Variants in MAGI1 observed in about 807,000 individuals in gnomAD.
MAGI1 encodes the protein membrane associated guanylate kinase, WW and PDZ domain containing 1, also known as membrane-associated guanylate kinase, WW and PDZ domain-containing protein 1.
Under a neutral mutation model 139.9 loss-of-function variants are expected in MAGI1, and 58 were observed. That is an observed-to-expected ratio of 0.41 (90% CI 0.34 to 0.52). The LOEUF (loss-of-function observed/expected upper bound fraction) is 0.52, where lower values mean the gene tolerates loss of function less well. Ranked by LOEUF, MAGI1 falls within the 20% of genes least tolerant of loss-of-function variation. The pLI, the probability that MAGI1 is intolerant of heterozygous loss-of-function variation, is 0.12. For missense variants in MAGI1, 1,874 were observed against 1,901.6 expected, an observed-to-expected ratio of 0.99 and a Z score of 0.27; for synonymous variants, 812 against 737.9, an observed-to-expected ratio of 1.10 and a Z score of -1.63.
intron 1 of MAGI1, among the ~76,000 whole-genome samples, chr3:66,005,485 G>C (rs2066966154): frequency 6.6e-6 from 1 of 152,138 alleles, no homozygotes; most frequent in Non-Finnish European, 1.5e-5. Context: ...ATAAGTAACA[G>C]CCTCATCCTC....
chr3:65,709,179 A>G (rs1477424324), intron 1 of MAGI1, among the ~76,000 whole-genome samples: 1 of 152,232 alleles, frequency 6.6e-6, no homozygotes, highest in East Asian at 1.9e-4. Context: ...CAGCATTCAC[A>G]TCATTCTCGC....
intron 2 of MAGI1, among the ~76,000 whole-genome samples, chr3:65,560,682 A>G (rs114688341): frequency 0.012 from 1,772 of 152,316 alleles, 18 homozygotes; most frequent in Non-Finnish European, 0.019. Context: ...TGCAAAGGAC[A>G]AAGAAAAGCC....
chr3:65,426,906 T>C (rs1947082720), intron 12 of MAGI1, among the ~76,000 whole-genome samples: 1 of 152,206 alleles, frequency 6.6e-6, no homozygotes, highest in African/African-American at 2.4e-5. Flanking sequence ...CATGTAGATG[T>C]TGATGAATAT....
At chr3:65,402,630 C>T (rs78268065) in intron 12 of MAGI1, among the ~76,000 whole-genome samples, 40 of 152,100 alleles carry the variant, frequency 2.6e-4, no homozygotes, top group African/African-American at 9.6e-4. Flanking sequence ...AAAGTGATTC[C>T]TAGGGAGTGT....
chr3:65,609,751 A>G (rs2082946673), intron 2 of MAGI1: 1 of 329,310 alleles, frequency 3.0e-6, no homozygotes, highest in Non-Finnish European at 6.2e-6. Flanking sequence ...TACCTGGGTA[A>G]TTTTTTGTAG....
intron 1 of MAGI1, among the ~76,000 whole-genome samples, chr3:65,721,171 T>G (rs894248788): frequency 1.3e-5 from 2 of 152,146 alleles, no homozygotes; most frequent in Non-Finnish European, 2.9e-5. Flanking sequence ...CTAATATGTT[T>G]GCCACCACTC....
intron 1 of MAGI1, among the ~76,000 whole-genome samples, chr3:65,802,168 T>C (rs922318488): frequency 6.6e-6 from 1 of 152,116 alleles, no homozygotes; most frequent in Non-Finnish European, 1.5e-5. Flanking sequence ...ACATCTTCAT[T>C]CAGTTAAAAT....
At chr3:65,591,659 T>C (rs1192492144) in intron 2 of MAGI1, among the ~76,000 whole-genome samples, 5 of 152,186 alleles carry the variant, frequency 3.3e-5, no homozygotes, top group Non-Finnish European at 7.3e-5. Flanking sequence ...CTAAAATGTC[T>C]AGCATAATCT....
intron 1 of MAGI1, among the ~76,000 whole-genome samples, chr3:65,827,225 C>T (rs2042277273): frequency 6.6e-6 from 1 of 152,054 alleles, no homozygotes. Context: ...CTCCCTGATA[C>T]AGGAACAAAA....
chr3:65,821,735 T>C (rs2108255889), intron 1 of MAGI1, among the ~76,000 whole-genome samples: 1 of 152,282 alleles, frequency 6.6e-6, no homozygotes, highest in East Asian at 1.9e-4. Context: ...GTCATCAATT[T>C]ACCTGGGCAA....
intron 1 of MAGI1, among the ~76,000 whole-genome samples, chr3:65,942,076 C>A (rs1417337659): frequency 6.6e-6 from 1 of 152,212 alleles, no homozygotes; most frequent in Non-Finnish European, 1.5e-5. Flanking sequence ...CGTGAGCCAC[C>A]ATACCCAGCC....
At chr3:65,639,061 T>A (rs561377714) in intron 1 of MAGI1, among the ~76,000 whole-genome samples, 1 of 152,314 alleles carries the variant, frequency 6.6e-6, no homozygotes, top group Non-Finnish European at 1.5e-5. Flanking sequence ...TTATTTTCAT[T>A]TGCATTGCCC....
intron 1 of MAGI1, among the ~76,000 whole-genome samples, chr3:65,949,513 T>A (rs1366301270): frequency 6.6e-6 from 1 of 152,264 alleles, no homozygotes; most frequent in Non-Finnish European, 1.5e-5. Flanking sequence ...ATGTACTTTT[T>A]ATTGTTGGTC....
chr3:65,475,623 A>C (rs945571044), intron 4 of MAGI1, among the ~76,000 whole-genome samples: 3 of 152,134 alleles, frequency 2.0e-5, no homozygotes, highest in African/African-American at 7.2e-5. Context: ...CCCACATAGG[A>C]AGTGTTCTTT....
intron 3 of MAGI1, among the ~76,000 whole-genome samples, chr3:65,490,573 C>T (rs910742024): frequency 5.9e-5 from 9 of 152,014 alleles, no homozygotes; most frequent in Non-Finnish European, 8.8e-5. Flanking sequence ...CGGCCAGGCT[C>T]GGTGGCTCAC....
At chr3:65,974,365 G>A (rs1442150114) in intron 1 of MAGI1, among the ~76,000 whole-genome samples, 1 of 113,284 alleles carries the variant, frequency 8.8e-6, no homozygotes, top group Non-Finnish European at 1.8e-5. Context: ...ATGGATGGAT[G>A]GGTGGGCGGG....
chr3:65,758,240 C>G (rs774018207), intron 1 of MAGI1, among the ~76,000 whole-genome samples: 8 of 152,090 alleles, frequency 5.3e-5, no homozygotes, highest in Non-Finnish European at 1.2e-4. Context: ...AGACATAAAG[C>G]GGAGCATCTG....
chr3:65,931,323 G>A (rs988193197), intron 1 of MAGI1, among the ~76,000 whole-genome samples: 5 of 152,132 alleles, frequency 3.3e-5, no homozygotes, highest in African/African-American at 9.7e-5. Context: ...ATGAGCCACC[G>A]CACCCGGCCC....
At chr3:65,685,795 A>G (rs2087976505) in intron 1 of MAGI1, among the ~76,000 whole-genome samples, 1 of 152,198 alleles carries the variant, frequency 6.6e-6, no homozygotes, top group Admixed American at 6.5e-5. Context: ...TCCTGGAAGA[A>G]TGCCAGTGGT....
Sources: gnomAD v4.1 joint callset for allele counts (sites outside exome capture counted in the v4.1 genomes callset) on GRCh38, gnomAD v4.1.1 for gene constraint, MANE v1.5 for transcripts, NCBI Gene and HGNC (gene_info 2026-07-23, HGNC 2026-07-21) for gene names.